The following INTS1 variants were observed in gnomAD, a reference collection of about 807,000 sequenced individuals.
The protein encoded by INTS1 is integrator complex subunit 1.
INTS1 carries 137 observed loss-of-function variants against 241.6 expected under a neutral mutation model. The ratio of observed to expected loss-of-function variants is 0.57; its 90% CI spans 0.49 to 0.65. INTS1 has a LOEUF of 0.65. INTS1 is among the 30% of genes least tolerant of loss of function. INTS1 has a pLI of 0.00. For synonymous variants in INTS1, 1,692 were observed against 1,337.8 expected, an observed-to-expected ratio of 1.26 and a Z score of -5.78; for missense variants, 3,073 against 3,032.2, an observed-to-expected ratio of 1.01 and a Z score of -0.32.
At chr7:1,480,742 C>T (rs1781953136) in intron 29 of INTS1, 93 bp downstream of exon 29, 2 of 1,041,724 alleles carry the variant, frequency 1.9e-6, no homozygotes, top group African/African-American at 3.2e-5. Flanking sequence ...TGTGGCTGTG[C>T]AGGCCCCGTC....
At chr7:1,496,988 C>T (rs1273498924) in intron 11 of INTS1, 150 bp downstream of exon 11, 12 of 790,494 alleles carry the variant, frequency 1.5e-5, no homozygotes, top group South Asian at 5.5e-5. Flanking sequence ...CTCTGGGACG[C>T]GTCACCGCAA....
rs1408209639 is a variant in INTS1, at chr7:1,497,728, A to C, written c.1426-414T>G. On this transcript the variant is annotated intron_variant, in intron 10 of 47. Coordinates refer to ENST00000404767, the MANE Select transcript of INTS1 (RefSeq NM_001080453.3). This position sits in a 1 kb window ranked among gnomAD's most constrained non-coding sequence, Gnocchi z 5.3. ...CCTGTCTCAAAATGCCAGGCCGCGA[A>C]GACTGAACGCGGAGCTGAGAGCGGC... 6.6e-6 allele frequency among the ~76,000 whole-genome samples: 1 copy of C among 152,256 alleles called. No individual in the cohort carries two copies. Among genetic ancestry groups the C allele is most frequent in the Non-Finnish European group, 1.5e-5 (1 of 68,050 alleles).
chr7:1,477,345 G>A (rs1478955832), intron 35 of INTS1, among the ~76,000 whole-genome samples: 1 of 149,958 alleles, frequency 6.7e-6, no homozygotes, highest in Non-Finnish European at 1.5e-5. Context: ...CTGGTCCACA[G>A]GTGACTGTGA....
intron 31 of INTS1, among the ~76,000 whole-genome samples, chr7:1,479,195 C>G (rs1450085860): frequency 6.6e-6 from 1 of 152,248 alleles, no homozygotes; most frequent in Non-Finnish European, 1.5e-5. Flanking sequence ...AAGGCAGGAG[C>G]GCCGAGCCTG....
intron 25 of INTS1, 56 bp from the exon 26 acceptor site, chr7:1,483,909 C>T (rs888842581): frequency 1.4e-5 from 23 of 1,586,756 alleles, no homozygotes; most frequent in Middle Eastern, 1.7e-4. Context: ...GAGCCAGCGC[C>T]GAGGGTACCC....
At position 1,470,954 on chromosome 7, in the gene INTS1, T is replaced by C; in HGVS notation, c.6349A>G (p.Ile2117Val). The change falls in exon 47 of 48, where the codon ATT becomes GTT. Residue 2117 changes from isoleucine to valine, a missense_variant and splice_region_variant. Coordinates refer to ENST00000404767, the MANE Select transcript of INTS1 (RefSeq NM_001080453.3). ...AACGTGGGCAGGAAAGCGGCTGCAA[T>C]GCTGAAAGACCCACACACTTCAGTG... ...ALRSMQNSPS[I>V]AAAFLPTFMY... 6 of 1,560,046 alleles carry C rather than the reference T, an allele frequency of 3.8e-6. No individual in the cohort carries two copies. Among genetic ancestry groups the C allele is most frequent in the East Asian group, 2.4e-5 (1 of 41,514 alleles).
At chr7:1,487,618 G>T in intron 19 of INTS1, 142 bp downstream of exon 19, 1 of 1,279,484 alleles carries the variant, frequency 7.8e-7, no homozygotes, top group Non-Finnish European at 1.1e-6. Context: ...AGCCAGGGAC[G>T]CGGGGACGGG....
At chr7:1,476,725 C>T (rs560760306) in intron 36 of INTS1, 68 bp from the exon 37 acceptor site, 3 of 1,612,122 alleles carry the variant, frequency 1.9e-6, no homozygotes, top group South Asian at 1.1e-5. Context: ...CAGTCAGAGC[C>T]GGCGCTGGGA....
In INTS1 at chr7:1,502,773, A is replaced by C. The variant is rs112701685; in HGVS notation, c.349+128T>G. On this transcript the variant is annotated intron_variant, in intron 3 of 47. Transcript: ENST00000404767. ...AGAAGCACTTCCAAGAACAAGCCAC[A>C]AACATCCGCTCTCCCAAAGGACCTC... 4.9e-3 allele frequency: 4,985 copies of C among 1,026,746 alleles called. 130 individuals carry two copies. The African/African-American group carries it at 0.061, about 12-fold the overall frequency. 63.6% of individuals were successfully genotyped at this position (1,026,746 alleles called of 1,614,324 possible). A position where few individuals can be genotyped will look rare whatever the true frequency, so the allele number is the denominator to read the frequency against.
chr7:1,498,943 G>GGGCGGC, intron 8 of INTS1, 32 bp downstream of exon 8: 1 of 1,070,748 alleles, frequency 9.3e-7, no homozygotes, highest in Non-Finnish European at 1.3e-6. Context: ...CCCACCCCCT[G>GGGCGGC]CCCCGCCCAC....
At chr7:1,475,913 G>A (rs1305362122) in intron 39 of INTS1, 35 bp downstream of exon 39, 1 of 1,522,754 alleles carries the variant, frequency 6.6e-7, no homozygotes, top group Admixed American at 2.0e-5. Flanking sequence ...GGGCACCTGG[G>A]ACGGCGGCGG....
At chr7:1,485,506 C>T (rs1290261173) in intron 22 of INTS1, 37 bp from the exon 23 acceptor site, 13 of 1,596,840 alleles carry the variant, frequency 8.1e-6, no homozygotes, top group African/African-American at 1.3e-5. Context: ...CGGCTTTCGG[C>T]AGTGCAGGCA....
intron 33 of INTS1, among the ~76,000 whole-genome samples, 183 bp downstream of exon 33, chr7:1,478,183 G>A (rs1216522469): frequency 2.0e-5 from 3 of 152,148 alleles, no homozygotes; most frequent in South Asian, 4.1e-4. Flanking sequence ...CCCCAAGGAG[G>A]AAGCTCCAAC....
Position 1,498,547 on chromosome 7 carries a change from C to T in INTS1, c.1290G>A (p.Leu430=). ...CCAGGTTGTCCTTGTGCGCGCTCAGCAGCTCCCTGGGTGAGGTGAGGGTAC... is the reference window on the plus strand; with the variant it reads ...CCAGGTTGTCCTTGTGCGCGCTCAGTAGCTCCCTGGGTGAGGTGAGGGTAC... ...LNHFMLCIRE[L]LSAHKDNLGT... is the part of the protein sequence containing the mutation. The change falls in exon 10 of 48, where the codon CTG becomes CTA. Residue 430 remains leucine (L), a synonymous_variant. Transcript: ENST00000404767. 4 of 1,613,730 alleles carry T rather than the reference C, an allele frequency of 2.5e-6. No homozygotes were observed. The highest frequency in any genetic ancestry group is 3.4e-6 in the Non-Finnish European group (4 of 1,179,836).
intron 19 of INTS1, 155 bp downstream of exon 19, chr7:1,487,605 G>A (rs1782334641): frequency 1.8e-5 from 23 of 1,280,460 alleles, no homozygotes; most frequent in South Asian, 6.9e-5. Context: ...CCCCACAGCA[G>A]TAAGCCAGGG....
At position 1,472,280 on chromosome 7, in the gene INTS1, C is replaced by A. The variant is rs757433400; in HGVS notation, c.6177G>T (p.Thr2059=). 18 of 1,552,908 alleles carry A rather than the reference C, an allele frequency of 1.2e-5. No homozygotes were observed. The Admixed American group carries it at 2.9e-4, about 25-fold the overall frequency. The change falls in exon 44 of 48, where the codon ACG becomes ACT. Residue 2059 remains threonine, a synonymous_variant. Coordinates refer to ENST00000404767, the MANE Select transcript of INTS1 (RefSeq NM_001080453.3). ...PYMKRLSRGQ[T]VEDLLEVLSD... is the part of the protein sequence containing the mutation. ...AAGCAGGGCCTGACTCACCCTCCAC[C>A]GTTTGGCCCCGGGAAAGCCGTTTCA...
rs760987057 is a variant in INTS1 at position 1,498,401 on chromosome 7, C to A, written c.1425+11G>T. 1.2e-6 allele frequency: 2 copies of A among 1,613,350 alleles called. No homozygotes were observed. The highest frequency in any genetic ancestry group is 1.7e-6 in the Non-Finnish European group (2 of 1,179,762). The stretch of plus-strand genomic sequence containing the variant: ...CGGCGTGGAGGGCAAGGCCAGGGAC[C>A]CTGGGCCTACCTTGGGCGCCAGCTC... On this transcript the variant is annotated intron_variant, in intron 10 of 47. Transcript: ENST00000404767.
chr7:1,474,769 G>C lies in INTS1; in HGVS notation c.5572C>G (p.Arg1858Gly). Reference protein sequence around the residue: ...DTSDSRALENRGADASMACRK... With the variant: ...DTSDSRALENGGADASMACRK... ...CAGGCCATGCTGGCATCCGCCCCTC[G>C]GTTCTCCAACGCCCGGGAGTCGCTG... Residue 1858 changes from arginine (R) to glycine (G), a missense_variant, in exon 40 of 48, where the codon CGA becomes GGA. Arg to Gly is a moderately radical substitution (Grantham distance 125). Coordinates refer to ENST00000404767, the MANE Select transcript of INTS1 (RefSeq NM_001080453.3). 6.4e-7 allele frequency: 1 copy of C among 1,574,736 alleles called. No homozygotes were observed. The highest frequency in any genetic ancestry group is 8.6e-7 in the Non-Finnish European group (1 of 1,162,520).
chr7:1,477,002 A>T, intron 35 of INTS1, 84 bp from the exon 36 acceptor site: 1 of 1,488,440 alleles, frequency 6.7e-7, no homozygotes, highest in South Asian at 1.3e-5. Flanking sequence ...TTCCCCAATG[A>T]GCCACTCAGA....
Sources: allele counts gnomAD v4.1 joint callset (sites outside exome capture counted in the v4.1 genomes callset), GRCh38; gene constraint gnomAD v4.1.1; non-coding constraint Gnocchi (gnomAD v3.1); transcripts MANE v1.5; gene names NCBI Gene and HGNC (gene_info 2026-07-23, HGNC 2026-07-21).